Variants in TSPO observed in about 807,000 individuals in gnomAD.
TSPO encodes the protein benzodiazepine peripheral binding site.
TSPO carries 14 observed loss-of-function variants against 13.9 expected under a neutral mutation model. The ratio of observed to expected loss-of-function variants is 1.01; its 90% CI spans 0.67 to 1.58. The LOEUF (loss-of-function observed/expected upper bound fraction) is 1.58, where lower values mean the gene tolerates loss of function less well. Ranked by LOEUF, TSPO falls within the 40% of genes most tolerant of loss-of-function variation. The probability of loss-of-function intolerance (pLI) is 0.00; values close to 1 mark genes in which losing one functional copy is unlikely to be tolerated. For synonymous variants in TSPO, 114 were observed against 105.9 expected (o/e 1.08, Z -0.47); for missense variants, 232 against 229.6 (o/e 1.01, Z -0.07).
At chr22:43,157,883 T>C (rs1187620726) in intron 1 of TSPO, among the ~76,000 whole-genome samples, 1 of 152,184 alleles carries the variant, frequency 6.6e-6, no homozygotes, top group Non-Finnish European at 1.5e-5. Context: ...AAAATTGGGG[T>C]CATTCTGTAG....
At position 43,162,790 on chromosome 22, in the gene TSPO, C is replaced by A. The variant is rs769034928; in HGVS notation, c.322-13C>A. ...CTCAGGCCTCCCCATCCTCCGTCCC[C>A]CAATCTCTGCAGGCCTTGGTGGATC... is the stretch of plus-strand genomic sequence containing the variant. On this transcript the variant is annotated splice_polypyrimidine_tract_variant and intron_variant, in intron 3 of 3. Transcript: ENST00000337554. 1.8e-5 allele frequency: 28 copies of A among 1,551,148 alleles called. No individual in the cohort carries two copies. The highest frequency in any genetic ancestry group is 2.3e-5 in the Non-Finnish European group (26 of 1,147,268).
In TSPO at chr22:43,162,974, CG is replaced by C; in HGVS notation, c.495del (p.Arg166GlyfsTer23). On this transcript the variant is annotated frameshift_variant, in exon 4 of 4. Coordinates refer to ENST00000337554, the MANE Select transcript of TSPO (RefSeq NM_000714.6). LOFTEE classifies it high-confidence loss of function. ...GGACAACCATGGCTGGCGTGGGGGA[CG>C]GCGGCTGCCAGAGTGAGTGCCCGGC... Reference protein sequence around the residue: ...WRDNHGWRGGRRLPE With the variant: ...WRDNHGWRGGXRLPE 1 of 1,583,130 alleles carries C rather than the reference CG, an allele frequency of 6.3e-7. No homozygotes were observed. Among genetic ancestry groups the C allele is most frequent in the Non-Finnish European group, 8.6e-7 (1 of 1,165,592 alleles).
intron 3 of TSPO, 89 bp downstream of exon 3, chr22:43,161,279 A>G (rs1455120221): frequency 2.6e-6 from 4 of 1,515,578 alleles, no homozygotes; most frequent in Non-Finnish European, 2.7e-6. Context: ...GTCAGTGTCT[A>G]TAGGCGGGGC....
chr22:43,156,749 T>C (rs992862025), intron 1 of TSPO, among the ~76,000 whole-genome samples: 2 of 152,164 alleles, frequency 1.3e-5, no homozygotes, highest in Non-Finnish European at 2.9e-5. Context: ...TGAACATCAC[T>C]GAAAGCGCAC....
At chr22:43,159,111 G>A in intron 1 of TSPO, 99 bp from the exon 2 acceptor site, 1 of 951,320 alleles carries the variant, frequency 1.1e-6, no homozygotes, top group Non-Finnish European at 1.5e-6. Context: ...CTGACTGGTT[G>A]ATCTGTGGGT....
rs1316281265 is a variant in TSPO, at chr22:43,159,291, G to A, written c.53G>A (p.Gly18Glu). The change falls in exon 2 of 4, where the codon GGG (glycine) becomes GAG (glutamate). Residue 18 changes from glycine to glutamate, a missense_variant. Transcript: ENST00000337554. The part of the protein sequence containing the change: ...AMGFTLAPSL[G>E]CFVGSRFVHG... ...GGCTTCACGCTGGCGCCCAGCCTGG[G>A]GTGCTTCGTGGGCTCCCGCTTTGTC... is the stretch of plus-strand genomic sequence containing the variant. 3.9e-6 allele frequency: 6 copies of A among 1,553,584 alleles called. No individual in the cohort carries two copies. Among genetic ancestry groups the A allele is most frequent in the Non-Finnish European group, 5.2e-6 (6 of 1,149,074 alleles).
chr22:43,161,493 CT>C (rs879726178), intron 3 of TSPO, among the ~76,000 whole-genome samples: 149 of 146,162 alleles, frequency 1.0e-3, no homozygotes, highest in Non-Finnish European at 1.0e-3. Flanking sequence ...ACAGCTTCTT[CT>C]TTTTTTTTTT....
chr22:43,152,697 A>G lies in TSPO; in HGVS notation c.-30+1093A>G, dbSNP rs72619547. ...CAGCCCCACAGGGAGGTTCGGCGAAACTGAGGCTTGCCAAAGAAGCCTTTG... is the reference window on the plus strand; with the variant it reads ...CAGCCCCACAGGGAGGTTCGGCGAAGCTGAGGCTTGCCAAAGAAGCCTTTG... On this transcript the variant is annotated intron_variant, in intron 1 of 3. Coordinates refer to ENST00000337554, the MANE Select transcript of TSPO (RefSeq NM_000714.6). Among the ~76,000 whole-genome samples, 9 of 152,338 alleles carry G rather than the reference A, an allele frequency of 5.9e-5. 1 individual carries two copies. The East Asian group carries it at 1.7e-3, about 29-fold the overall frequency.
chr22:43,162,301 T>C (rs1483090847), intron 3 of TSPO, among the ~76,000 whole-genome samples: 3 of 152,124 alleles, frequency 2.0e-5, no homozygotes, highest in African/African-American at 7.2e-5. Context: ...TTTTTATTTT[T>C]AGTAGAGACG....
chr22:43,162,700 G>A (rs925756574), intron 3 of TSPO, 103 bp from the exon 4 acceptor site: 1 of 1,215,808 alleles, frequency 8.2e-7, no homozygotes, highest in Non-Finnish European at 1.1e-6. Flanking sequence ...GGGTGAGTGA[G>A]GCTCCTGACT....
chr22:43,155,295 C>T (rs906866428), intron 1 of TSPO, among the ~76,000 whole-genome samples: 6 of 152,136 alleles, frequency 3.9e-5, no homozygotes, highest in Non-Finnish European at 5.9e-5. Flanking sequence ...CTGAACAAGG[C>T]GGTGACCGTC....
In TSPO at chr22:43,161,040, C is replaced by T. The variant is rs763567442; in HGVS notation, c.183-12C>T. ...TTCCTAATGGTGCTCTGAACTGCGG[C>T]CTCTGTTTCAGGTACGGCTCCTACC... is the stretch of plus-strand genomic sequence containing the variant. On this transcript the variant is annotated splice_polypyrimidine_tract_variant and intron_variant, in intron 2 of 3. Coordinates refer to ENST00000337554, the MANE Select transcript of TSPO (RefSeq NM_000714.6). The T allele has an allele frequency of 6.2e-7, 1 of 1,610,142 alleles. No individual in the cohort carries two copies. Among genetic ancestry groups the T allele is most frequent in the Non-Finnish European group, 8.5e-7 (1 of 1,177,916 alleles).
At chr22:43,159,117 TG>T in intron 1 of TSPO, 92 bp from the exon 2 acceptor site, 1 of 1,016,830 alleles carries the variant, frequency 9.8e-7, no homozygotes, top group Non-Finnish European at 1.4e-6. Context: ...GGTTGATCTG[TG>T]GGTGACAGGC....
intron 1 of TSPO, 129 bp from the exon 2 acceptor site, chr22:43,159,081 T>A: frequency 1.4e-6 from 1 of 717,522 alleles, no homozygotes; most frequent in African/African-American, 1.9e-5. Context: ...ACCCCGCACA[T>A]CTCTGCGCCT....
chr22:43,155,456 C>T (rs921555649), intron 1 of TSPO, among the ~76,000 whole-genome samples: 8 of 152,218 alleles, frequency 5.3e-5, no homozygotes, highest in Non-Finnish European at 1.0e-4. Context: ...GGCGCTGCTC[C>T]GTGCAGGGCA....
At chr22:43,154,766 C>T (rs1464840220) in intron 1 of TSPO, among the ~76,000 whole-genome samples, 2 of 152,124 alleles carry the variant, frequency 1.3e-5, no homozygotes, top group East Asian at 3.9e-4. Flanking sequence ...AGATGAGATA[C>T]CTTGGGGCAG....
At chr22:43,156,967 T>C (rs1341521519) in intron 1 of TSPO, among the ~76,000 whole-genome samples, 2 of 152,092 alleles carry the variant, frequency 1.3e-5, no homozygotes, top group Non-Finnish European at 2.9e-5. Flanking sequence ...CGAGGCTCCT[T>C]ATGGTTCCCC....
intron 3 of TSPO, among the ~76,000 whole-genome samples, 189 bp downstream of exon 3, chr22:43,161,379 A>G (rs17003528): frequency 0.038 from 5,856 of 152,186 alleles, 274 homozygotes; most frequent in African/African-American, 0.11. Context: ...GAGGGAAGCT[A>G]TTAAAGCAGA....
At chr22:43,157,474 G>C (rs977467418) in intron 1 of TSPO, among the ~76,000 whole-genome samples, 10 of 152,212 alleles carry the variant, frequency 6.6e-5, no homozygotes, top group Non-Finnish European at 7.4e-5. Context: ...CTGAGGTCCA[G>C]GGAGGGGAGG....
Sources: allele counts gnomAD v4.1 joint callset (sites outside exome capture counted in the v4.1 genomes callset), GRCh38; gene constraint gnomAD v4.1.1; transcripts MANE v1.5; gene names NCBI Gene and HGNC (gene_info 2026-07-23, HGNC 2026-07-21).